The following ZFP64 variants were observed in gnomAD, a reference collection of about 807,000 sequenced individuals.
ZFP64 encodes the protein zinc finger protein 64.
A neutral mutation model predicts 51.6 loss-of-function variants in ZFP64; 14 were observed. The observed-to-expected ratio is 0.27, with a 90% CI of 0.18 to 0.42. The LOEUF (loss-of-function observed/expected upper bound fraction) is 0.42. Among genes scored for constraint, ZFP64 ranks in the 10% least tolerant of loss-of-function variants. ZFP64 has a pLI of 1.00. For synonymous variants in ZFP64, 375 were observed against 361.4 expected (o/e 1.04, Z -0.43); for missense variants, 754 against 906.8 (o/e 0.83, Z 2.16).
intron 2 of ZFP64, among the ~76,000 whole-genome samples, chr20:52,177,045 C>A (rs1342681272): frequency 6.6e-6 from 1 of 150,812 alleles, no homozygotes; most frequent in African/African-American, 2.4e-5. Context: ...CCCACCCTAC[C>A]CTCCCTCCCT....
intron 4 of ZFP64, among the ~76,000 whole-genome samples, chr20:52,161,681 T>C (rs952090140): frequency 7.2e-5 from 11 of 152,138 alleles, no homozygotes; most frequent in African/African-American, 2.7e-4. Flanking sequence ...TGATGTGCAA[T>C]AGTAAATGAA....
intron 2 of ZFP64, among the ~76,000 whole-genome samples, chr20:52,184,484 C>T (rs1568707322): frequency 6.6e-6 from 1 of 152,144 alleles, no homozygotes; most frequent in Non-Finnish European, 1.5e-5. Context: ...AATATAAGAC[C>T]ATATAATATG....
At chr20:52,110,822 G>C (rs1225387865) in intron 5 of ZFP64, 1 of 1,598,986 alleles carries the variant, frequency 6.3e-7, no homozygotes, top group African/African-American at 1.3e-5. Flanking sequence ...TTCTCACTCA[G>C]CTCCATGTTC....
At chr20:52,176,545 C>A (rs1600808272) in intron 2 of ZFP64, among the ~76,000 whole-genome samples, 2 of 147,616 alleles carry the variant, frequency 1.4e-5, no homozygotes, top group African/African-American at 5.1e-5. Context: ...CTCTGTCGCC[C>A]AGGCCGGACT....
Position 52,085,183 on chromosome 20 carries a change from C to A in ZFP64, c.1312G>T (p.Gly438Trp). Residue 438 changes from glycine (G) to tryptophan (W), a missense_variant, in exon 9 of 9, where the codon GGG becomes TGG. By Grantham distance (184) the Gly-to-Trp change is radical (BLOSUM62 -2). Coordinates refer to the ZFP64 transcript ENST00000361387. The surrounding 1 kb of genome is among the most constrained non-coding windows in gnomAD (Gnocchi z 4.3). ...AACTCGCACTTGAAAGGCTTCTCCC[C>A]CGAGTGCACGATCATGTGCCTTTTC... The A allele has an allele frequency of 6.2e-7, 1 of 1,614,202 alleles. No individual in the cohort carries two copies. The highest frequency in any genetic ancestry group is 8.5e-7 in the Non-Finnish European group (1 of 1,180,044).
intron 5 of ZFP64, among the ~76,000 whole-genome samples, chr20:52,157,572 C>T (rs1478367181): frequency 2.6e-5 from 4 of 152,170 alleles, no homozygotes; most frequent in Non-Finnish European, 5.9e-5. Flanking sequence ...AAGAAACATT[C>T]CCTAACCCCT....
At chr20:52,107,695 G>T (rs1457615331) in intron 5 of ZFP64, among the ~76,000 whole-genome samples, 2 of 152,152 alleles carry the variant, frequency 1.3e-5, no homozygotes, top group Non-Finnish European at 2.9e-5. Flanking sequence ...TGCTGTCATT[G>T]TTTATTGATT....
chr20:52,154,799 C>A (rs1385101459), intron 5 of ZFP64, among the ~76,000 whole-genome samples: 4 of 152,120 alleles, frequency 2.6e-5, no homozygotes, highest in African/African-American at 9.7e-5. Flanking sequence ...GAAACACAAC[C>A]ATGCATATTT....
Position 52,152,214 on chromosome 20 carries a change from T to C in ZFP64, c.1978A>G (p.Thr660Ala), listed in dbSNP as rs750213517. The C allele has an allele frequency of 1.2e-6, 2 of 1,613,950 alleles. No individual in the cohort carries two copies. Among genetic ancestry groups the C allele is most frequent in the African/African-American group, 2.7e-5 (2 of 74,872 alleles). ...SSSQQELPKQTYSIIQGAAHP... is the reference protein window; with the variant it reads ...SSSQQELPKQAYSIIQGAAHP... The stretch of plus-strand genomic sequence containing the variant: ...GCTGCCCCTTGAATGATGGAGTAGG[T>C]CTGCTTGGGTAGTTCTTGCTGGGAA... Residue 660 changes from threonine to alanine, a missense_variant, in exon 6 of 6, where the codon ACC becomes GCC. Coordinates refer to ENST00000216923, the MANE Select transcript of ZFP64 (RefSeq NM_018197.3).
intron 5 of ZFP64, among the ~76,000 whole-genome samples, chr20:52,131,147 A>AGGAAGGAAGGAAAGGAGGGAAG (rs1428643197): frequency 6.6e-6 from 1 of 151,360 alleles, no homozygotes; most frequent in Non-Finnish European, 1.5e-5. Context: ...AAAGGAAAAC[A>AGGAAGGAAGGAAAGGAGGGAAG]GGAAGGAAGG....
At chr20:52,126,873 G>C (rs1478645091) in intron 5 of ZFP64, among the ~76,000 whole-genome samples, 1 of 152,006 alleles carries the variant, frequency 6.6e-6, no homozygotes, top group Non-Finnish European at 1.5e-5. Flanking sequence ...AAATTGGGTG[G>C]GGACTCTTAT....
At chr20:52,109,438 A>T (rs1332793291) in intron 5 of ZFP64, among the ~76,000 whole-genome samples, 1 of 152,050 alleles carries the variant, frequency 6.6e-6, no homozygotes, top group Non-Finnish European at 1.5e-5. Flanking sequence ...CTGGGATTAC[A>T]GGTGTGAGCC....
chr20:52,098,564 G>A (rs2079017178), exon 6 of ZFP64: 10 of 1,613,984 alleles, frequency 6.2e-6, no homozygotes, highest in Non-Finnish European at 8.5e-6. Flanking sequence ...TTTGCTTTTG[G>A]AACATCATCA....
intron 5 of ZFP64, among the ~76,000 whole-genome samples, chr20:52,129,273 T>A (rs1290719737): frequency 6.6e-6 from 1 of 151,620 alleles, no homozygotes; most frequent in Non-Finnish European, 1.5e-5. Context: ...TTCTTTTTTT[T>A]TTTGTATTTT....
At chr20:52,157,285 AG>A (rs1174754964) in intron 5 of ZFP64, among the ~76,000 whole-genome samples, 1 of 152,230 alleles carries the variant, frequency 6.6e-6, no homozygotes, top group Non-Finnish European at 1.5e-5. Context: ...TTAGAAAAAG[AG>A]GCAAGATTCC....
Position 52,172,776 on chromosome 20 carries a change from G to A in ZFP64, c.287-6751C>T, listed in dbSNP as rs1054545145. ...ACCCTGGTGTGGCCATTAAAATCAA[G>A]CCTCCTGTTTAGTGAGATCAGACCC... On this transcript the variant is annotated intron_variant, in intron 2 of 5. Transcript: ENST00000216923. Among the ~76,000 whole-genome samples, 3 of 152,026 alleles carry A rather than the reference G, an allele frequency of 2.0e-5. No individual in the cohort carries two copies. In the East Asian group the frequency reaches 5.8e-4, roughly 30 times the overall value.
At chr20:52,084,299 C>T (rs79646797) in exon 9 of ZFP64, 14 of 499,762 alleles carry the variant, frequency 2.8e-5, no homozygotes, top group Admixed American at 1.0e-4. Flanking sequence ...CTTGGCAGAC[C>T]CCGCCTTTGA....
chr20:52,181,109 A>AT (rs1207672989), intron 2 of ZFP64, among the ~76,000 whole-genome samples: 1 of 151,780 alleles, frequency 6.6e-6, no homozygotes, highest in Admixed American at 6.6e-5. Flanking sequence ...TGCCCGGCTA[A>AT]TTTTTGTATT....
chr20:52,103,968 A>C (rs1830899056), intron 5 of ZFP64, among the ~76,000 whole-genome samples: 1 of 152,220 alleles, frequency 6.6e-6, no homozygotes, highest in African/African-American at 2.4e-5. Flanking sequence ...TTGATGCGGA[A>C]GCTGGAGAGC....
Sources: allele counts gnomAD v4.1 joint callset (sites outside exome capture counted in the v4.1 genomes callset), GRCh38; gene constraint gnomAD v4.1.1; non-coding constraint Gnocchi (gnomAD v3.1); transcripts MANE v1.5; gene names NCBI Gene and HGNC (gene_info 2026-07-23, HGNC 2026-07-21).